PPIF: variants seen among roughly 807,000 people sequenced by gnomAD.
PPIF encodes the protein peptidylprolyl isomerase F.
A neutral mutation model predicts 20.2 loss-of-function variants in PPIF; 23 were observed. That is an observed-to-expected ratio of 1.14 (90% CI 0.82 to 1.61). The LOEUF is 1.61. Among genes scored for constraint, PPIF ranks in the 40% most tolerant of loss-of-function variants. The probability of loss-of-function intolerance (pLI) is 0.00; values close to 1 mark genes in which losing one functional copy is unlikely to be tolerated. For missense variants in PPIF, 287 were observed against 291.6 expected (o/e 0.98, Z 0.11); for synonymous variants, 113 against 123.1 (o/e 0.92, Z 0.54).
intron 4 of PPIF, 128 bp from the exon 5 acceptor site, chr10:79,352,189 C>A: frequency 1.2e-6 from 1 of 811,616 alleles, no homozygotes; most frequent in East Asian, 2.5e-5. Flanking sequence ...CCTGGTTCTC[C>A]TCTTCTGGGT....
Position 79,351,602 on chromosome 10 carries a change from TA to T in PPIF, c.412+20del. 6.2e-7 allele frequency: 1 copy of T among 1,606,468 alleles called. No individual in the cohort carries two copies. Among genetic ancestry groups the T allele is most frequent in the African/African-American group, 1.3e-5 (1 of 74,848 alleles). On this transcript the variant is annotated intron_variant, in intron 4 of 5. Coordinates refer to ENST00000225174, the MANE Select transcript of PPIF (RefSeq NM_005729.4). ...GGGCCAGGTGAGTGGGGGCCTCCTC[TA>T]GGGTGAGTGTCCCCACAGCTCTGAC...
rs985746511 is a variant in PPIF at position 79,354,543 on chromosome 10, A to C, written c.*701A>C. 5.2e-5 allele frequency: 8 copies of C among 152,860 alleles called. No individual in the cohort carries two copies. Among genetic ancestry groups the C allele is most frequent in the African/African-American group, 1.9e-4 (8 of 41,442 alleles). The allele number at this position is 152,860 out of a possible 1,614,324, so 9.5% of individuals were successfully genotyped here. The stretch of plus-strand genomic sequence containing the variant: ...GACAATGTGAATTCCTGTGTTGCTA[A>C]CAGAAGTGGCCTGTAAGCTCCTGTG... On this transcript the variant is annotated 3_prime_UTR_variant, in exon 6 of 6. Transcript: ENST00000225174.
rs1007876657 is a variant in PPIF, at chr10:79,353,931, C to T, written c.*89C>T. 3.2e-5 allele frequency: 44 copies of T among 1,396,516 alleles called. No individual in the cohort carries two copies. The highest frequency in any genetic ancestry group is 9.5e-5 in the East Asian group (4 of 42,190). The allele number at this position is 1,396,516 out of a possible 1,614,324, so 86.5% of individuals were successfully genotyped here. Reference sequence around the variant, plus strand: ...GGGCTGTCAGCCAAGGTGCCTGAAACGATACGTGTGCCCACTCCACTGTCA... The same window carrying T: ...GGGCTGTCAGCCAAGGTGCCTGAAATGATACGTGTGCCCACTCCACTGTCA... On this transcript the variant is annotated 3_prime_UTR_variant, in exon 6 of 6. Transcript: ENST00000225174.
intron 3 of PPIF, among the ~76,000 whole-genome samples, chr10:79,350,821 C>T (rs1239466625): frequency 1.3e-5 from 2 of 152,216 alleles, no homozygotes; most frequent in Non-Finnish European, 2.9e-5. Context: ...CTCTCTTACC[C>T]ACGGATCCCA....
chr10:79,348,154 C>G (rs1313726455), intron 1 of PPIF, among the ~76,000 whole-genome samples: 3 of 151,522 alleles, frequency 2.0e-5, no homozygotes, highest in African/African-American at 7.3e-5. Flanking sequence ...TTGCACAACA[C>G]GGAGCGCTTC....
chr10:79,350,216 A>T (rs569946042), intron 3 of PPIF, among the ~76,000 whole-genome samples: 40 of 152,174 alleles, frequency 2.6e-4, no homozygotes, highest in African/African-American at 8.7e-4. Context: ...TCCCAGAGAA[A>T]GGCATTATTC....
chr10:79,350,739 G>A (rs997256975), intron 3 of PPIF, among the ~76,000 whole-genome samples: 2 of 152,356 alleles, frequency 1.3e-5, no homozygotes, highest in Middle Eastern at 3.4e-3. Flanking sequence ...TGAGTCATCC[G>A]TTGGGAGGGA....
intron 3 of PPIF, among the ~76,000 whole-genome samples, chr10:79,350,993 G>C (rs927780569): frequency 1.3e-5 from 2 of 152,204 alleles, no homozygotes; most frequent in African/African-American, 4.8e-5. Flanking sequence ...GGCAGACTCT[G>C]TCCTGGGTCT....
chr10:79,347,585 C>T lies in PPIF; in HGVS notation c.37C>T (p.Leu13=). Residue 13 remains leucine, a synonymous_variant, in exon 1 of 6, where the codon CTG becomes TTG. Coordinates refer to ENST00000225174, the MANE Select transcript of PPIF (RefSeq NM_005729.4). ...ALRCGSRWLG[L]LSVPRSVPLR... ...GCGCTGCGGCTCCCGCTGGCTCGGCCTGCTCTCCGTCCCGCGCTCCGTGCC... is the reference window on the plus strand; with the variant it reads ...GCGCTGCGGCTCCCGCTGGCTCGGCTTGCTCTCCGTCCCGCGCTCCGTGCC... The T allele has an allele frequency of 7.1e-7, 1 of 1,407,166 alleles. No individual in the cohort carries two copies. Among genetic ancestry groups the T allele is most frequent in the South Asian group, 1.5e-5 (1 of 66,138 alleles). 87.2% of individuals were successfully genotyped at this position (1,407,166 alleles called of 1,614,324 possible).
At position 79,354,006 on chromosome 10, in the gene PPIF, C is replaced by T. The variant is rs1314851780; in HGVS notation, c.*164C>T. 3 of 736,588 alleles carry T rather than the reference C, an allele frequency of 4.1e-6. No homozygotes were observed. The highest frequency in any genetic ancestry group is 5.7e-5 in the Admixed American group (2 of 34,916). The allele number at this position is 736,588 out of a possible 1,614,324, so 45.6% of individuals were successfully genotyped here. ...GGGATGTTAGACCTCGGCCAGGACC[C>T]ACCACATTGCTTCCTAATACCCACC... On this transcript the variant is annotated 3_prime_UTR_variant, in exon 6 of 6. Coordinates refer to ENST00000225174, the MANE Select transcript of PPIF (RefSeq NM_005729.4).
chr10:79,353,755 C>T lies in PPIF; in HGVS notation c.537C>T (p.Asp179=), dbSNP rs145071461. Residue 179 remains aspartate, a synonymous_variant, in exon 6 of 6, where the codon GAC becomes GAT. Coordinates refer to ENST00000225174, the MANE Select transcript of PPIF (RefSeq NM_005729.4). ...TCGGTCACGTCAAAGAGGGCATGGA[C>T]GTCGTGAAGAAAATAGAATCTTTCG... The part of the protein sequence containing the change: ...VVFGHVKEGM[D]VVKKIESFGS... The T allele has an allele frequency of 2.8e-5, 45 of 1,614,102 alleles. No individual in the cohort carries two copies. In the East Asian group the frequency reaches 4.5e-4, roughly 16 times the overall value.
In PPIF at chr10:79,352,319, G is replaced by A. The variant is rs1357326834; in HGVS notation, c.415G>A (p.Val139Ile). The A allele has an allele frequency of 6.2e-7, 1 of 1,614,022 alleles. No homozygotes were observed. The highest frequency in any genetic ancestry group is 8.5e-7 in the Non-Finnish European group (1 of 1,179,970). ...CTCAGCCCTGCTGGTTTTTGCAGGTGTCCTGTCCATGGCTAATGCTGGTCC... is the reference window on the plus strand; with the variant it reads ...CTCAGCCCTGCTGGTTTTTGCAGGTATCCTGTCCATGGCTAATGCTGGTCC... ...NFTLKHVGPG[V>I]LSMANAGPNT... The change falls in exon 5 of 6, where the codon GTC becomes ATC. Residue 139 changes from valine (V) to isoleucine (I), a missense_variant and splice_region_variant. Val to Ile is a conservative substitution (Grantham distance 29, BLOSUM62 3). Transcript: ENST00000225174.
chr10:79,348,524 C>T (rs1274629249), intron 1 of PPIF, among the ~76,000 whole-genome samples: 1 of 152,192 alleles, frequency 6.6e-6, no homozygotes, highest in Non-Finnish European at 1.5e-5. Context: ...TGGCCCGTAT[C>T]CCAGGGAGCC....
intron 3 of PPIF, 35 bp from the exon 4 acceptor site, chr10:79,351,452 A>G: frequency 1.2e-6 from 2 of 1,607,710 alleles, no homozygotes; most frequent in African/African-American, 1.3e-5. Context: ...CGCCTGCTCC[A>G]TGGTAGCCAC....
intron 1 of PPIF, 111 bp downstream of exon 1, chr10:79,347,854 C>T: frequency 8.2e-7 from 1 of 1,225,546 alleles, no homozygotes; most frequent in Non-Finnish European, 1.0e-6. Flanking sequence ...CCTCCCCATG[C>T]CGAGCTCTGG....
intron 4 of PPIF, 119 bp from the exon 5 acceptor site, chr10:79,352,198 G>A: frequency 2.3e-6 from 2 of 876,278 alleles, no homozygotes; most frequent in Non-Finnish European, 3.7e-6. Context: ...CCTCTTCTGG[G>A]TCCCAGGATC....
rs1855955106 is a variant in PPIF at position 79,349,759 on chromosome 10, G to A, written c.315+6G>A. 1.2e-6 allele frequency: 2 copies of A among 1,613,918 alleles called. No individual in the cohort carries two copies. The highest frequency in any genetic ancestry group is 1.7e-5 in the Admixed American group (1 of 59,996). ...TCCCTTCCTTCATGTGCCAGGTAATGTAGTTTCCTCTTCTGTAAGGGGGGA... is the reference window on the plus strand; with the variant it reads ...TCCCTTCCTTCATGTGCCAGGTAATATAGTTTCCTCTTCTGTAAGGGGGGA... On this transcript the variant is annotated splice_donor_region_variant and intron_variant, in intron 3 of 5. Coordinates refer to ENST00000225174, the MANE Select transcript of PPIF (RefSeq NM_005729.4).
rs915240711 is a variant in PPIF at position 79,347,495 on chromosome 10, T to C, written c.-54T>C. 3 of 1,254,138 alleles carry C rather than the reference T, an allele frequency of 2.4e-6. No individual in the cohort carries two copies. Among genetic ancestry groups the C allele is most frequent in the Non-Finnish European group, 3.0e-6 (3 of 1,000,286 alleles). The allele number at this position is 1,254,138 out of a possible 1,614,324, so 77.7% of individuals were successfully genotyped here. On this transcript the variant is annotated 5_prime_UTR_variant, in exon 1 of 6. Transcript: ENST00000225174. ...CTCGGCCTTCTGGGCGCGCGCGACG[T>C]CAGTTTGAGTTCTGTGTTCTCCCCG...
rs1223010020 is a variant in PPIF, at chr10:79,354,618, A to G, written c.*776A>G. On this transcript the variant is annotated 3_prime_UTR_variant, in exon 6 of 6. Transcript: ENST00000225174. ...AGGCTTTGATTTTTCTGTGTGTTAA[A>G]GAAATTCAATCTACTCATGATGTGT... 6.5e-6 allele frequency: 1 copy of G among 152,848 alleles called. No individual in the cohort carries two copies. Among genetic ancestry groups the G allele is most frequent in the African/African-American group, 2.4e-5 (1 of 41,460 alleles). 9.5% of individuals were successfully genotyped at this position (152,848 alleles called of 1,614,324 possible).
Sources: allele counts gnomAD v4.1 joint callset (sites outside exome capture counted in the v4.1 genomes callset), GRCh38; gene constraint gnomAD v4.1.1; transcripts MANE v1.5; gene names NCBI Gene and HGNC (gene_info 2026-07-23, HGNC 2026-07-21).